GRB10: variants seen among roughly 807,000 people sequenced by gnomAD.
GRB10 encodes growth factor receptor-bound protein 10.
GRB10 carries 20 observed loss-of-function variants against 80.9 expected under a neutral mutation model. That is an observed-to-expected ratio of 0.25 (90% CI 0.17 to 0.36). The LOEUF (loss-of-function observed/expected upper bound fraction) is 0.36. GRB10 is among the 10% of genes least tolerant of loss of function. The probability of loss-of-function intolerance (pLI) is 1.00; values close to 1 mark genes in which losing one functional copy is unlikely to be tolerated. For synonymous variants in GRB10, 291 were observed against 291.5 expected, an observed-to-expected ratio of 1.00 and a Z score of 0.02; for missense variants, 548 against 747.7, an observed-to-expected ratio of 0.73 and a Z score of 3.12.
chr7:50,695,460 T>G (rs2063320232), intron 5 of GRB10, among the ~76,000 whole-genome samples: 1 of 107,938 alleles, frequency 9.3e-6, no homozygotes, highest in Admixed American at 1.2e-4. Context: ...TCCTCTTGGC[T>G]GCTTTCTTTC....
chr7:50,699,305 G>C lies in GRB10; in HGVS notation c.139+4516C>G, dbSNP rs373481935. On this transcript the variant is annotated intron_variant, in intron 5 of 18. Transcript: ENST00000401949. ...TACACTAAGACCTCCAGTGACAGCA[G>C]GCACTGCTGTCTAATTCTAGATGTT... Among the ~76,000 whole-genome samples the C allele has an allele frequency of 2.0e-5, 3 of 152,294 alleles. 1 individual carries two copies. Among genetic ancestry groups the C allele is most frequent in the Admixed American group, 6.5e-5 (1 of 15,296 alleles).
chr7:50,655,883 T>G (rs1050343624), intron 7 of GRB10, among the ~76,000 whole-genome samples: 2 of 152,216 alleles, frequency 1.3e-5, no homozygotes, highest in African/African-American at 4.8e-5. Flanking sequence ...ACTTAAGGAT[T>G]CCTCATCTTC....
At chr7:50,705,198 G>A (rs997682777) in intron 4 of GRB10, 2 of 985,674 alleles carry the variant, frequency 2.0e-6, no homozygotes, top group Admixed American at 6.2e-5. Flanking sequence ...ACTCACAATG[G>A]GGGGAAGCAG....
Position 50,603,926 on chromosome 7 carries a change from A to C in GRB10, c.1544+72T>G, listed in dbSNP as rs2048064921. 3.3e-6 allele frequency: 4 copies of C among 1,210,224 alleles called. No homozygotes were observed. In the South Asian group the frequency reaches 4.8e-5, roughly 15 times the overall value. The allele number at this position is 1,210,224 out of a possible 1,614,324, so 75.0% of individuals were successfully genotyped here. A position where few individuals can be genotyped will look rare whatever the true frequency, so the allele number is the denominator to read the frequency against. On this transcript the variant is annotated intron_variant, in intron 17 of 18. Transcript: ENST00000401949. ...CCTGTCCAGCAAGGATGTCTGAGGA[A>C]TTAAACAGAACAGATCCCCAGCACA...
At chr7:50,740,077 C>T (rs2071447581) in intron 3 of GRB10, among the ~76,000 whole-genome samples, 1 of 152,152 alleles carries the variant, frequency 6.6e-6, no homozygotes, top group South Asian at 2.1e-4. Flanking sequence ...GCCACAAATC[C>T]AAAATGTGCA....
At chr7:50,719,262 GGC>G (rs960655186) in intron 4 of GRB10, among the ~76,000 whole-genome samples, 43 of 152,270 alleles carry the variant, frequency 2.8e-4, no homozygotes, top group African/African-American at 1.0e-3. Context: ...AAGGAGGAAG[GGC>G]CAGGCCCACA....
chr7:50,607,282 C>T (rs1490124519), intron 13 of GRB10, among the ~76,000 whole-genome samples: 2 of 152,138 alleles, frequency 1.3e-5, no homozygotes, highest in Non-Finnish European at 2.9e-5. Flanking sequence ...ACAAATGGTG[C>T]CATATACAGT....
intron 5 of GRB10, among the ~76,000 whole-genome samples, chr7:50,693,568 G>A (rs1478580444): frequency 6.6e-6 from 1 of 152,182 alleles, no homozygotes; most frequent in Non-Finnish European, 1.5e-5. Context: ...GGAGTTAAGT[G>A]TTTGTGTAGG....
At chr7:50,764,619 A>G (rs1394375498) in intron 2 of GRB10, among the ~76,000 whole-genome samples, 2 of 152,166 alleles carry the variant, frequency 1.3e-5, no homozygotes, top group East Asian at 3.9e-4. Flanking sequence ...CTCAGAACCC[A>G]GCCTCCACCA....
intron 4 of GRB10, among the ~76,000 whole-genome samples, chr7:50,706,105 C>T (rs2065004960): frequency 6.6e-6 from 1 of 152,168 alleles, no homozygotes; most frequent in Non-Finnish European, 1.5e-5. Flanking sequence ...AATATCTAAC[C>T]TAGAGTAGAT....
At chr7:50,613,427 C>A (rs2049945552) in intron 12 of GRB10, among the ~76,000 whole-genome samples, 1 of 152,066 alleles carries the variant, frequency 6.6e-6, no homozygotes. Context: ...GAAGTAGGCA[C>A]CATGGGGAGA....
At chr7:50,653,734 C>T (rs1028070399) in intron 7 of GRB10, among the ~76,000 whole-genome samples, 25 of 152,204 alleles carry the variant, frequency 1.6e-4, no homozygotes, top group African/African-American at 5.3e-4. Context: ...TCCTTCCACA[C>T]GCTTCACCAC....
chr7:50,717,070 G>T (rs143783172), intron 4 of GRB10, among the ~76,000 whole-genome samples: 2 of 152,128 alleles, frequency 1.3e-5, no homozygotes, highest in African/African-American at 4.8e-5. Flanking sequence ...GGCAAATTTG[G>T]ATCATACCCA....
In GRB10 at chr7:50,775,172, AAC is replaced by A. The variant is rs1472292977; in HGVS notation, c.-217+5453_-217+5454del. On this transcript the variant is annotated intron_variant, in intron 2 of 18. Coordinates refer to ENST00000401949, the MANE Select transcript of GRB10 (RefSeq NM_001350814.2). ...TGAGATCCTGTCTCCAAAAAAAAAA[AAC>A]AAAAAAAAACAGTGGAACAGACAAA... 2.0e-3 allele frequency among the ~76,000 whole-genome samples: 194 copies of A among 96,052 alleles called. 36 individuals carry two copies. The highest frequency in any genetic ancestry group is 7.6e-3 in the African/African-American group (145 of 19,196). The allele number at this position is 96,052 out of a possible 152,430, so 63.0% of individuals were successfully genotyped here. A position where few individuals can be genotyped will look rare whatever the true frequency, so the allele number is the denominator to read the frequency against.
intron 8 of GRB10, among the ~76,000 whole-genome samples, chr7:50,625,398 A>ATT (rs1412591439): frequency 2.0e-5 from 3 of 151,918 alleles, no homozygotes; most frequent in African/African-American, 7.3e-5. Flanking sequence ...ATATATATAT[A>ATT]TTTTTTCATA....
chr7:50,706,032 T>C (rs1016543467), intron 4 of GRB10, among the ~76,000 whole-genome samples: 16 of 152,258 alleles, frequency 1.1e-4, no homozygotes, highest in African/African-American at 3.6e-4. Flanking sequence ...CTCTTTGGCA[T>C]CTGAAATATT....
intron 13 of GRB10, 198 bp from the exon 14 acceptor site, chr7:50,606,612 C>G (rs1480998022): frequency 3.3e-6 from 2 of 601,790 alleles, no homozygotes; most frequent in Non-Finnish European, 6.0e-6. Flanking sequence ...AATAAAAAAT[C>G]CGAGTATAGC....
chr7:50,677,827 C>T (rs2061120708), intron 5 of GRB10, among the ~76,000 whole-genome samples: 1 of 152,200 alleles, frequency 6.6e-6, no homozygotes, highest in Non-Finnish European at 1.5e-5. Flanking sequence ...GGTCTCAATG[C>T]CACACACGTG....
chr7:50,687,431 GCC>G (rs1271045721), intron 5 of GRB10, among the ~76,000 whole-genome samples: 3 of 152,116 alleles, frequency 2.0e-5, no homozygotes, highest in African/African-American at 7.2e-5. Flanking sequence ...ATCCTGCCTT[GCC>G]CATCCCAATA....
Sources: allele counts gnomAD v4.1 joint callset (sites outside exome capture counted in the v4.1 genomes callset), GRCh38; gene constraint gnomAD v4.1.1; transcripts MANE v1.5; gene names NCBI Gene and HGNC (gene_info 2026-07-23, HGNC 2026-07-21).